FGD5: variants seen among roughly 807,000 people sequenced by gnomAD.
FGD5 encodes the protein FYVE, RhoGEF and PH domain-containing protein 5.
FGD5 carries 28 observed loss-of-function variants against 133.4 expected under a neutral mutation model. The ratio of observed to expected loss-of-function variants is 0.21; its 90% CI spans 0.16 to 0.29. The LOEUF (loss-of-function observed/expected upper bound fraction) is 0.29, where lower values mean the gene tolerates loss of function less well. FGD5 is among the 10% of genes least tolerant of loss of function. The pLI, the probability that FGD5 is intolerant of heterozygous loss-of-function variation, is 1.00. For synonymous variants in FGD5, 810 were observed against 776.5 expected (o/e 1.04, Z -0.72); for missense variants, 1,858 against 1,895.2 (o/e 0.98, Z 0.36).
chr3:14,885,297 G>C (rs981338249), intron 4 of FGD5, among the ~76,000 whole-genome samples: 1 of 151,710 alleles, frequency 6.6e-6, no homozygotes, highest in Non-Finnish European at 1.5e-5. Flanking sequence ...CAGATAGTGA[G>C]AAGAGAGGTG....
At position 14,922,101 on chromosome 3, in the gene FGD5, C is replaced by A; in HGVS notation, c.3669+84C>A. Reference sequence around the variant, plus strand: ...CGGGCATTGCTGTTGCCACTCACACCCAGATGGACGTGTAGCTCCTGTCTT... The same window carrying A: ...CGGGCATTGCTGTTGCCACTCACACACAGATGGACGTGTAGCTCCTGTCTT... On this transcript the variant is annotated intron_variant, in intron 14 of 19. Coordinates refer to ENST00000285046, the MANE Select transcript of FGD5 (RefSeq NM_152536.4). The surrounding 1 kb of genome is among the most constrained non-coding windows in gnomAD (Gnocchi z 4.1). 7.3e-7 allele frequency: 1 copy of A among 1,363,012 alleles called. No individual in the cohort carries two copies. Among genetic ancestry groups the A allele is most frequent in the African/African-American group, 1.4e-5 (1 of 69,492 alleles). The allele number at this position is 1,363,012 out of a possible 1,614,324, so 84.4% of individuals were successfully genotyped here.
chr3:14,839,065 T>C (rs548419982), intron 1 of FGD5, among the ~76,000 whole-genome samples: 1 of 152,166 alleles, frequency 6.6e-6, no homozygotes, highest in Non-Finnish European at 1.5e-5. Context: ...GTTGAAAGGG[T>C]AGTGTTTGAT....
intron 11 of FGD5, 31 bp downstream of exon 11, chr3:14,910,960 G>GAACTGCC (rs2038437378): frequency 6.3e-7 from 1 of 1,597,974 alleles, no homozygotes; most frequent in East Asian, 2.3e-5. Context: ...CCCAGCTCAG[G>GAACTGCC]AACTGCCAAG....
In FGD5 at chr3:14,917,343, G is replaced by C. The variant is rs371208346; in HGVS notation, c.3489+11G>C. 4.3e-6 allele frequency: 7 copies of C among 1,610,376 alleles called. No individual in the cohort carries two copies. The highest frequency in any genetic ancestry group is 1.3e-5 in the African/African-American group (1 of 74,876). ...GTGGCCAACATGAAGGTAAATATCT[G>C]GTGCCAGGTACCCCCGGGTTGGGGG... On this transcript the variant is annotated intron_variant, in intron 12 of 19. Transcript: ENST00000285046. This position sits in a 1 kb window ranked among gnomAD's most constrained non-coding sequence, Gnocchi z 4.1.
In FGD5 at chr3:14,923,160, C is replaced by G. The variant is rs773693106; in HGVS notation, c.3922C>G (p.Pro1308Ala). ...GCTGAAGAAGCGGGGCAGGGCTGTC[C>G]CGGGCCTGATGAGAGGTAACCTGGG... ...GELKKRGRAV[P>A]GLMRERPVSM... Residue 1308 changes from proline (P) to alanine (A), a missense_variant, in exon 16 of 20, where the codon CCG becomes GCG. By Grantham distance (27) the Pro-to-Ala change is conservative. This residue lies in a region of FGD5 where 1,824 missense variants were observed against 1,848.9 expected (regional missense o/e 0.99). Transcript: ENST00000285046. 8.7e-6 allele frequency: 14 copies of G among 1,613,194 alleles called. No homozygotes were observed. The highest frequency in any genetic ancestry group is 3.4e-6 in the Non-Finnish European group (4 of 1,179,764).
At position 14,900,540 on chromosome 3, in the gene FGD5, C is replaced by G. The variant is rs990156585; in HGVS notation, c.3205+87C>G. 4.1e-6 allele frequency: 6 copies of G among 1,481,316 alleles called. No individual in the cohort carries two copies. In the African/African-American group the frequency reaches 8.3e-5, roughly 21 times the overall value. 91.8% of individuals were successfully genotyped at this position (1,481,316 alleles called of 1,614,324 possible). On this transcript the variant is annotated intron_variant, in intron 8 of 19. Transcript: ENST00000285046. Reference sequence around the variant, plus strand: ...CCTGGACCCTGCCCCAATTCCAAGGCCCAGGATATAGTCCCCTCCCCACCA... The same window carrying G: ...CCTGGACCCTGCCCCAATTCCAAGGGCCAGGATATAGTCCCCTCCCCACCA...
intron 1 of FGD5, among the ~76,000 whole-genome samples, chr3:14,843,725 C>T (rs1293325786): frequency 1.7e-5 from 2 of 120,326 alleles, no homozygotes; most frequent in African/African-American, 3.2e-5. Flanking sequence ...GAGTCTCATT[C>T]TGTCGCCCAG....
chr3:14,816,309 G>T (rs1044807407), upstream of FGD5, among the ~76,000 whole-genome samples: 5 of 152,296 alleles, frequency 3.3e-5, no homozygotes, highest in South Asian at 2.1e-4. Flanking sequence ...TCGTGCCAAT[G>T]CCTGCCACCC....
chr3:14,922,067 T>A lies in FGD5; in HGVS notation c.3669+50T>A. On this transcript the variant is annotated intron_variant, in intron 14 of 19. Coordinates refer to ENST00000285046, the MANE Select transcript of FGD5 (RefSeq NM_152536.4). This position sits in a 1 kb window ranked among gnomAD's most constrained non-coding sequence, Gnocchi z 4.1. Reference sequence around the variant, plus strand: ...GGCCACCAGCTTCAGAGACCTGGGGTTCCCTGGGCGGGCATTGCTGTTGCC... The same window carrying A: ...GGCCACCAGCTTCAGAGACCTGGGGATCCCTGGGCGGGCATTGCTGTTGCC... The A allele has an allele frequency of 6.5e-7, 1 of 1,534,748 alleles. No homozygotes were observed. Among genetic ancestry groups the A allele is most frequent in the South Asian group, 1.2e-5 (1 of 83,646 alleles).
intron 1 of FGD5, among the ~76,000 whole-genome samples, chr3:14,834,207 G>A (rs898941975): frequency 6.6e-6 from 1 of 152,172 alleles, no homozygotes; most frequent in African/African-American, 2.4e-5. Flanking sequence ...GAGGGGCAAT[G>A]ATTTTGTGAA....
rs111887667 is a variant in FGD5 at position 14,882,997 on chromosome 3, C to T, written c.2748+2225C>T. ...CTGTCCAGTGATGAGGAGGAGCTGA[C>T]GGTGTCCCCCAAATCTCCCCAGCAG... On this transcript the variant is annotated intron_variant, in intron 4 of 19. Transcript: ENST00000285046. Among the ~76,000 whole-genome samples the T allele has an allele frequency of 9.8e-3, 1,488 of 152,240 alleles. 29 individuals are homozygous for T. The highest frequency in any genetic ancestry group is 0.034 in the African/African-American group (1,411 of 41,538).
intron 3 of FGD5, 50 bp from the exon 4 acceptor site, chr3:14,880,692 C>T: frequency 1.2e-6 from 2 of 1,613,724 alleles, no homozygotes; most frequent in Non-Finnish European, 8.5e-7. Flanking sequence ...CCCTCCTGGG[C>T]TTACACAGGA....
At chr3:14,841,124 C>T (rs2125085420) in intron 1 of FGD5, among the ~76,000 whole-genome samples, 1 of 152,156 alleles carries the variant, frequency 6.6e-6, no homozygotes, top group Middle Eastern at 3.4e-3. Flanking sequence ...GAAGCTTTTC[C>T]AGCGTTTGAG....
intron 2 of FGD5, among the ~76,000 whole-genome samples, chr3:14,866,579 G>GGATTCCC (rs1163812421): frequency 6.6e-6 from 1 of 152,162 alleles, no homozygotes; most frequent in Admixed American, 6.5e-5. Context: ...TCTGCTCGTA[G>GGATTCCC]GATTCCCCAT....
intron 9 of FGD5, among the ~76,000 whole-genome samples, chr3:14,903,352 T>A (rs951269575): frequency 6.6e-6 from 1 of 151,838 alleles, no homozygotes; most frequent in African/African-American, 2.4e-5. Context: ...GTTATGAACA[T>A]CTTTATTATT....
At chr3:14,851,044 T>C (rs190516384) in intron 1 of FGD5, among the ~76,000 whole-genome samples, 2 of 152,238 alleles carry the variant, frequency 1.3e-5, no homozygotes, top group East Asian at 3.9e-4. Context: ...TCTAGTTCTC[T>C]TATTTTACAG....
chr3:14,930,830 A>G (rs2038889216), intron 18 of FGD5: 1 of 152,116 alleles, frequency 6.6e-6, no homozygotes. Flanking sequence ...TACTTCTATT[A>G]ATATATTTCT....
At chr3:14,829,193 G>A (rs1271317839) in intron 1 of FGD5, among the ~76,000 whole-genome samples, 1 of 152,166 alleles carries the variant, frequency 6.6e-6, no homozygotes, top group East Asian at 1.9e-4. Context: ...ATCTTGGAGT[G>A]TTCAGCTGGA....
At chr3:14,879,121 C>A (rs1222693622) in intron 2 of FGD5, among the ~76,000 whole-genome samples, 2 of 152,228 alleles carry the variant, frequency 1.3e-5, no homozygotes, top group African/African-American at 2.4e-5. Context: ...TAGTAACACA[C>A]AAGGTTCAGC....
Sources: allele counts gnomAD v4.1 joint callset (sites outside exome capture counted in the v4.1 genomes callset), GRCh38; gene constraint gnomAD v4.1.1; regional missense constraint gnomAD v4.1.1; non-coding constraint Gnocchi (gnomAD v3.1); transcripts MANE v1.5; gene names NCBI Gene and HGNC (gene_info 2026-07-23, HGNC 2026-07-21).